Variants in MCTP2 observed in about 807,000 individuals in gnomAD.
The protein encoded by MCTP2 is multiple C2 and transmembrane domain containing 2.
A neutral mutation model predicts 111.6 loss-of-function variants in MCTP2; 132 were observed. The observed-to-expected ratio is 1.18, with a 90% CI of 1.03 to 1.37. The LOEUF (loss-of-function observed/expected upper bound fraction) is 1.37. MCTP2 is among the 40% of genes most tolerant of loss of function. The pLI is 0.00. For missense variants in MCTP2, 1,183 were observed against 1,067.9 expected (o/e 1.11, Z -1.50); for synonymous variants, 395 against 387.7 (o/e 1.02, Z -0.22).
chr15:94,314,352 G>T lies in MCTP2; in HGVS notation c.528+8G>T. ...CATTTTGAAGAACAATCTGTGAGTG[G>T]CATTCCTTAAAAAGAAACATTAAAT... On this transcript the variant is annotated splice_region_variant and intron_variant, in intron 3 of 22. Transcript: ENST00000357742. The T allele has an allele frequency of 6.3e-7, 1 of 1,584,080 alleles. No individual in the cohort carries two copies. The highest frequency in any genetic ancestry group is 8.6e-7 in the Non-Finnish European group (1 of 1,157,920).
intron 2 of MCTP2, among the ~76,000 whole-genome samples, chr15:94,305,442 C>A (rs2075833567): frequency 6.6e-6 from 1 of 152,140 alleles, no homozygotes; most frequent in Admixed American, 6.5e-5. Context: ...CCATAGTCTA[C>A]TGCCACATAC....
intron 4 of MCTP2, among the ~76,000 whole-genome samples, chr15:94,334,597 A>G (rs944971537): frequency 2.6e-5 from 4 of 152,242 alleles, no homozygotes; most frequent in Admixed American, 2.0e-4. Flanking sequence ...GTGCAGTGGC[A>G]TAATCCTAGC....
chr15:94,298,419 GT>G lies in MCTP2; in HGVS notation c.155del (p.Val52GlyfsTer45). On this transcript the variant is annotated frameshift_variant, in exon 2 of 23. Transcript: ENST00000357742. LOFTEE classifies it high-confidence loss of function. ...HHLDRRLSLS[V>X]PDLLEAEALA... ...CTTGGACCGCCGTCTCAGCCTCTCT[GT>G]GCCTGATCTCCTGGAGGCTGAGGCC... The G allele has an allele frequency of 6.2e-7, 1 of 1,614,190 alleles. No homozygotes were observed. The highest frequency in any genetic ancestry group is 1.3e-5 in the African/African-American group (1 of 75,052).
At chr15:94,274,022 A>C in intron 1 of MCTP2, 1 of 202,218 alleles carries the variant, frequency 4.9e-6, no homozygotes, top group East Asian at 1.4e-4. Context: ...CTTGTTGTGC[A>C]ACCATGGTTT....
Position 94,447,683 on chromosome 15 carries a change from C to T in MCTP2, c.2250+4723C>T, listed in dbSNP as rs532950427. ...TGAGCCACCATGACCGGCCTGTTTG[C>T]GCTTTCTTAAGAATGTCTAAAACAG... On this transcript the variant is annotated intron_variant, in intron 19 of 22. Transcript: ENST00000357742. 4.6e-5 allele frequency among the ~76,000 whole-genome samples: 7 copies of T among 152,236 alleles called. No individual in the cohort carries two copies. The South Asian group carries it at 1.2e-3, about 27-fold the overall frequency.
chr15:94,294,519 C>T (rs2075170149), intron 1 of MCTP2, among the ~76,000 whole-genome samples: 1 of 152,100 alleles, frequency 6.6e-6, no homozygotes, highest in East Asian at 1.9e-4. Context: ...CAGCTTCACC[C>T]CCTCAAATAA....
At chr15:94,476,142 A>T (rs901414798) in intron 21 of MCTP2, among the ~76,000 whole-genome samples, 1 of 152,128 alleles carries the variant, frequency 6.6e-6, no homozygotes, top group Non-Finnish European at 1.5e-5. Flanking sequence ...GGAGGTGGGG[A>T]AAGACAGATG....
chr15:94,246,753 T>C (rs989690951), intron 1 of MCTP2, among the ~76,000 whole-genome samples: 2 of 152,182 alleles, frequency 1.3e-5, no homozygotes, highest in Admixed American at 6.5e-5. Flanking sequence ...GAATTATCAA[T>C]TTAAGCTGTC....
Position 94,356,203 on chromosome 15 carries a change from A to G in MCTP2, c.1072A>G (p.Ile358Val), listed in dbSNP as rs199572394. The change falls in exon 9 of 23, where the codon ATA becomes GTA. Residue 358 changes from isoleucine (I) to valine (V), a missense_variant. By Grantham distance (29) the Ile-to-Val change is conservative. Coordinates refer to ENST00000357742, the MANE Select transcript of MCTP2 (RefSeq NM_001385001.1). The part of the protein sequence containing the change: ...LKKNQLWNGI[I>V]SITLLEGKNV... Reference sequence around the variant, plus strand: ...AAAGAACCAACTCTGGAACGGGATTATAAGTATAACTTTGTTGGAAGGGAA... The same window carrying G: ...AAAGAACCAACTCTGGAACGGGATTGTAAGTATAACTTTGTTGGAAGGGAA... 9 of 1,613,660 alleles carry G rather than the reference A, an allele frequency of 5.6e-6. No individual in the cohort carries two copies. Among genetic ancestry groups the G allele is most frequent in the Admixed American group, 1.7e-5 (1 of 59,992 alleles).
intron 12 of MCTP2, among the ~76,000 whole-genome samples, chr15:94,382,840 A>G (rs1433457166): frequency 6.6e-6 from 1 of 152,258 alleles, no homozygotes; most frequent in Non-Finnish European, 1.5e-5. Context: ...GCAATGCGTT[A>G]ATGTCCTACG....
chr15:94,445,537 C>G (rs985613210), intron 19 of MCTP2, among the ~76,000 whole-genome samples: 3 of 152,156 alleles, frequency 2.0e-5, no homozygotes, highest in Admixed American at 6.5e-5. Flanking sequence ...GGATCTTCAA[C>G]TTTCAGACTT....
rs191193121 is a variant in MCTP2 at position 94,250,170 on chromosome 15, G to A, written c.-66+18506G>A. ...AATTATACCATAAATTATTTTCCAG[G>A]TGACTACATAGCATTGGAGAATTCA... On this transcript the variant is annotated intron_variant, in intron 1 of 22. Transcript: ENST00000357742. 1.5e-3 allele frequency among the ~76,000 whole-genome samples: 235 copies of A among 152,100 alleles called. 1 individual carries two copies. Among genetic ancestry groups the A allele is most frequent in the Middle Eastern group, 6.8e-3 (2 of 294 alleles).
intron 1 of MCTP2, among the ~76,000 whole-genome samples, chr15:94,282,153 T>C (rs1340868042): frequency 6.6e-6 from 1 of 152,212 alleles, no homozygotes; most frequent in Non-Finnish European, 1.5e-5. Context: ...CCCAGTTGCT[T>C]TCTAACTCTG....
In MCTP2 at chr15:94,481,588, A is replaced by G. The variant is rs1191179634; in HGVS notation, c.*2554A>G. The G allele has an allele frequency of 1.3e-5, 2 of 152,248 alleles. No homozygotes were observed. Among genetic ancestry groups the G allele is most frequent in the African/African-American group, 4.8e-5 (2 of 41,448 alleles). The allele number at this position is 152,248 out of a possible 1,614,324, so 9.4% of individuals were successfully genotyped here. ...CCTGCCCCCAGTTGTTTCTTTCTGA[A>G]TAGATTCTACTCTCCTTCAACACTT... On this transcript the variant is annotated 3_prime_UTR_variant, in exon 23 of 23. Coordinates refer to ENST00000357742, the MANE Select transcript of MCTP2 (RefSeq NM_001385001.1).
At chr15:94,310,260 T>G (rs1246485258) in intron 2 of MCTP2, among the ~76,000 whole-genome samples, 1 of 152,200 alleles carries the variant, frequency 6.6e-6, no homozygotes, top group Non-Finnish European at 1.5e-5. Context: ...CTAGAAAAGA[T>G]AAAACTATAT....
intron 20 of MCTP2, among the ~76,000 whole-genome samples, chr15:94,464,870 T>C (rs1290623234): frequency 6.6e-6 from 1 of 152,110 alleles, no homozygotes; most frequent in Non-Finnish European, 1.5e-5. Context: ...TTAGAAAATA[T>C]TGATCCAGCA....
At chr15:94,267,001 A>G (rs545052896) in intron 1 of MCTP2, among the ~76,000 whole-genome samples, 1 of 152,350 alleles carries the variant, frequency 6.6e-6, no homozygotes, top group East Asian at 1.9e-4. Context: ...AATTGCACCT[A>G]TTCAGTTTGT....
chr15:94,323,222 C>A (rs2152379228), intron 4 of MCTP2, among the ~76,000 whole-genome samples: 1 of 152,238 alleles, frequency 6.6e-6, no homozygotes, highest in South Asian at 2.1e-4. Context: ...GAACAATGGG[C>A]AGGTTTAGCA....
chr15:94,442,755 C>T (rs1022702374), intron 18 of MCTP2, among the ~76,000 whole-genome samples, 164 bp from the exon 19 acceptor site: 1 of 152,230 alleles, frequency 6.6e-6, no homozygotes, highest in Admixed American at 6.5e-5. Flanking sequence ...AGTCCTGCCA[C>T]AGTGTCCCTG....
Sources: allele counts gnomAD v4.1 joint callset (sites outside exome capture counted in the v4.1 genomes callset), GRCh38; gene constraint gnomAD v4.1.1; transcripts MANE v1.5; gene names NCBI Gene and HGNC (gene_info 2026-07-23, HGNC 2026-07-21).